FOXP1: variants seen among roughly 807,000 people sequenced by gnomAD.
The protein encoded by FOXP1 is forkhead box protein P1.
In FOXP1, 15 loss-of-function variants were observed where a neutral mutation model predicts 98.2. The ratio of observed to expected loss-of-function variants is 0.15; its 90% CI spans 0.10 to 0.24. The LOEUF is 0.24. Ranked by LOEUF, FOXP1 falls within the 10% of genes least tolerant of loss-of-function variation. The probability of loss-of-function intolerance (pLI) is 1.00; values close to 1 mark genes in which losing one functional copy is unlikely to be tolerated. For missense variants in FOXP1, 633 were observed against 848.5 expected, an observed-to-expected ratio of 0.75 and a Z score of 3.15; for synonymous variants, 371 against 314.5, an observed-to-expected ratio of 1.18 and a Z score of -1.90.
chr3:71,387,699 T>G (rs1219263882), intron 3 of FOXP1, among the ~76,000 whole-genome samples: 4 of 152,254 alleles, frequency 2.6e-5, no homozygotes, highest in Admixed American at 2.6e-4. Context: ...TGATTACACA[T>G]TATAAACTCA....
intron 3 of FOXP1, among the ~76,000 whole-genome samples, chr3:71,406,098 A>T (rs2108242808): frequency 6.6e-6 from 1 of 152,206 alleles, no homozygotes; most frequent in Non-Finnish European, 1.5e-5. Flanking sequence ...TGTTCCAGTC[A>T]CCGTACCATA....
At chr3:71,549,682 T>C (rs918262584) in intron 2 of FOXP1, among the ~76,000 whole-genome samples, 1 of 152,102 alleles carries the variant, frequency 6.6e-6, no homozygotes, top group African/African-American at 2.4e-5. Flanking sequence ...GCCCAAAACA[T>C]ATATATTTTA....
At chr3:71,240,782 T>C (rs927915535) in intron 5 of FOXP1, among the ~76,000 whole-genome samples, 4 of 150,988 alleles carry the variant, frequency 2.6e-5, no homozygotes, top group African/African-American at 9.7e-5. Context: ...CCTGACCTCA[T>C]GATCTGCCCG....
chr3:71,367,196 T>C (rs947204100), intron 3 of FOXP1, among the ~76,000 whole-genome samples: 1 of 152,166 alleles, frequency 6.6e-6, no homozygotes, highest in African/African-American at 2.4e-5. Flanking sequence ...ACCTCTCCTG[T>C]CAGCTAGGAG....
chr3:71,067,903 A>G (rs2052730196), intron 7 of FOXP1, among the ~76,000 whole-genome samples: 2 of 150,884 alleles, frequency 1.3e-5, no homozygotes, highest in South Asian at 4.3e-4. Context: ...GCAACAGAGC[A>G]AGAAACTGTC....
chr3:71,178,108 TA>T (rs559385009), intron 6 of FOXP1, among the ~76,000 whole-genome samples: 22 of 150,916 alleles, frequency 1.5e-4, no homozygotes, highest in African/African-American at 5.1e-4. Context: ...TGCTGGGATT[TA>T]CAGGTGTGAG....
intron 3 of FOXP1, among the ~76,000 whole-genome samples, chr3:71,488,391 T>C (rs1577795833): frequency 1.3e-5 from 2 of 152,338 alleles, no homozygotes; most frequent in Non-Finnish European, 2.9e-5. Context: ...GGCTGGCTAC[T>C]GCTGTGTGGT....
In FOXP1 at chr3:70,958,650, AGC is replaced by A. The variant is rs1328481278; in HGVS notation, c.*595_*596del. 1.1e-4 allele frequency: 23 copies of A among 209,802 alleles called. No individual in the cohort carries two copies. The highest frequency in any genetic ancestry group is 1.8e-4 in the Admixed American group (3 of 16,750). The allele number at this position is 209,802 out of a possible 1,614,324, so 13.0% of individuals were successfully genotyped here. A position where few individuals can be genotyped will look rare whatever the true frequency, so the allele number is the denominator to read the frequency against. On this transcript the variant is annotated 3_prime_UTR_variant, in exon 21 of 21. Transcript: ENST00000649528. ...TAGAAGGAAAAAAAAAAAAAAAAAAAGCAATACATTAAAAAGTTTGGGATAAT... is the reference window on the plus strand; with the variant it reads ...TAGAAGGAAAAAAAAAAAAAAAAAAAAATACATTAAAAAGTTTGGGATAAT...
chr3:71,322,284 A>G (rs1189352653), intron 4 of FOXP1, among the ~76,000 whole-genome samples: 3 of 152,232 alleles, frequency 2.0e-5, no homozygotes, highest in Non-Finnish European at 2.9e-5. Context: ...TTAAGTTTAA[A>G]TAAATTAAAA....
At chr3:71,233,868 A>G (rs942523424) in intron 5 of FOXP1, among the ~76,000 whole-genome samples, 2 of 152,318 alleles carry the variant, frequency 1.3e-5, no homozygotes, top group Non-Finnish European at 1.5e-5. Context: ...GGTAAAATGG[A>G]CATTCCTTTT....
At chr3:71,023,131 C>G (rs140386802) in intron 11 of FOXP1, among the ~76,000 whole-genome samples, 1 of 152,120 alleles carries the variant, frequency 6.6e-6, no homozygotes, top group Admixed American at 6.5e-5. Context: ...GACTTTCATC[C>G]GTCCAGCCAA....
chr3:71,407,058 T>C (rs1307914466), intron 3 of FOXP1, among the ~76,000 whole-genome samples: 5 of 152,130 alleles, frequency 3.3e-5, no homozygotes, highest in Admixed American at 2.0e-4. Context: ...CTGTTTCTAA[T>C]TGGATAGTCA....
chr3:71,527,990 A>G (rs2107513365), intron 2 of FOXP1, among the ~76,000 whole-genome samples: 1 of 152,368 alleles, frequency 6.6e-6, no homozygotes, highest in South Asian at 2.1e-4. Context: ...TGGGTCATTC[A>G]AAGAGAAAGA....
At chr3:71,387,960 A>G (rs2080722621) in intron 3 of FOXP1, among the ~76,000 whole-genome samples, 1 of 152,258 alleles carries the variant, frequency 6.6e-6, no homozygotes, top group African/African-American at 2.4e-5. Context: ...AATAAAAAGA[A>G]AAGTTCTGTC....
At chr3:71,225,679 C>A (rs990797246) in intron 5 of FOXP1, among the ~76,000 whole-genome samples, 1 of 152,178 alleles carries the variant, frequency 6.6e-6, no homozygotes, top group African/African-American at 2.4e-5. Context: ...AAATAGCTAG[C>A]GATTTTTCTC....
chr3:71,035,984 G>GA (rs201564361), intron 11 of FOXP1, among the ~76,000 whole-genome samples: 186 of 149,994 alleles, frequency 1.2e-3, no homozygotes, highest in African/African-American at 3.9e-3. Flanking sequence ...GTTTAAAAAA[G>GA]AAAAAAAAAT....
intron 4 of FOXP1, among the ~76,000 whole-genome samples, chr3:71,345,871 TAA>T (rs71120316): frequency 0.19 from 10,375 of 54,076 alleles, 1,014 homozygotes; most frequent in Admixed American, 0.23. Flanking sequence ...AAAGTTTTTG[TAA>T]AAAAAAAAAA....
intron 13 of FOXP1, among the ~76,000 whole-genome samples, chr3:70,990,685 A>G (rs1351656367): frequency 1.3e-5 from 2 of 152,246 alleles, no homozygotes; most frequent in African/African-American, 2.4e-5. Flanking sequence ...TTACTCTCTA[A>G]AAGACTTTCC....
intron 6 of FOXP1, among the ~76,000 whole-genome samples, chr3:71,178,632 C>T (rs2062091050): frequency 6.6e-6 from 1 of 151,838 alleles, no homozygotes; most frequent in Admixed American, 6.6e-5. Context: ...GCCTGTAATC[C>T]CAGCACTTTG....
Sources: gnomAD v4.1 joint callset for allele counts (sites outside exome capture counted in the v4.1 genomes callset) on GRCh38, gnomAD v4.1.1 for gene constraint, MANE v1.5 for transcripts, NCBI Gene and HGNC (gene_info 2026-07-23, HGNC 2026-07-21) for gene names.